The following CYP4B1 variants were observed in gnomAD, a reference collection of about 807,000 sequenced individuals.
The protein encoded by CYP4B1 is cytochrome P450 family 4 subfamily B member 1.
Under a neutral mutation model 54.0 loss-of-function variants are expected in CYP4B1, and 45 were observed. The observed-to-expected ratio is 0.83, with a 90% confidence interval of 0.66 to 1.07. CYP4B1 has a LOEUF of 1.07. Ranked by LOEUF, CYP4B1 falls within the 50% of genes least tolerant of loss-of-function variation. CYP4B1 has a pLI of 0.00. For missense variants in CYP4B1, 656 were observed against 655.4 expected (o/e 1.00, Z -0.01); for synonymous variants, 248 against 247.5 (o/e 1.00, Z -0.02).
At chr1:46,803,545 A>G (rs922375464) in intron 1 of CYP4B1, among the ~76,000 whole-genome samples, 1 of 152,184 alleles carries the variant, frequency 6.6e-6, no homozygotes, top group Admixed American at 6.5e-5. Flanking sequence ...CTGGATTGTA[A>G]ACAGGAGGAA....
At position 46,817,132 on chromosome 1, in the gene CYP4B1, C is replaced by A. The variant is rs750429274; in HGVS notation, c.1158C>A (p.Arg386=). 1.2e-6 allele frequency: 2 copies of A among 1,614,062 alleles called. No individual in the cohort carries two copies. Among genetic ancestry groups the A allele is most frequent in the African/African-American group, 2.7e-5 (2 of 74,912 alleles). ...ACCCACCTGTGCCCCAGGTGTACCG[C>A]CAGCTCAGCAAGCCTGTCACCTTTG... is the stretch of plus-strand genomic sequence containing the variant. ...RLYPPVPQVY[R]QLSKPVTFVD... Residue 386 remains arginine (R), a synonymous_variant, in exon 9 of 12, where the codon CGC becomes CGA. Coordinates refer to ENST00000371923, the MANE Select transcript of CYP4B1 (RefSeq NM_001099772.2).
rs45500401 is a variant in CYP4B1, at chr1:46,812,497, G to C, written c.369G>C (p.Gly123=). The C allele has an allele frequency of 6.2e-7, 1 of 1,612,354 alleles. No individual in the cohort carries two copies. Among genetic ancestry groups the C allele is most frequent in the Non-Finnish European group, 8.5e-7 (1 of 1,179,180 alleles). Residue 123 remains glycine, a splice_region_variant and synonymous_variant, in exon 4 of 12, where the codon GGG becomes GGC. Transcript: ENST00000371923. ...CTCTCTCTCCCATCCCTTCCCCAGGGAGAGGCCTGCTGGTTCTTGAGGGGC... is the reference window on the plus strand; with the variant it reads ...CTCTCTCTCCCATCCCTTCCCCAGGCAGAGGCCTGCTGGTTCTTGAGGGGC... The part of the protein sequence containing the change: ...DVYDFFLQWI[G]RGLLVLEGPK...
chr1:46,812,816 C>T (rs1362743640), intron 4 of CYP4B1, among the ~76,000 whole-genome samples, 193 bp downstream of exon 4: 7 of 152,168 alleles, frequency 4.6e-5, no homozygotes, highest in Admixed American at 2.0e-4. Context: ...GCCACTGAGT[C>T]GGTGCTGAAT....
rs116595602 is a variant in CYP4B1 at position 46,809,455 on chromosome 1, C to T, written c.181-1353C>T. Among the ~76,000 whole-genome samples the T allele has an allele frequency of 4.8e-3, 736 of 152,282 alleles. 6 individuals carry two copies. The highest frequency in any genetic ancestry group is 0.017 in the African/African-American group (688 of 41,550). ...GTGGCAATTGTGAGAGAGAATTTTACGGAGAGAAAAAGCAGGCCCAGCACA... is the reference window on the plus strand; with the variant it reads ...GTGGCAATTGTGAGAGAGAATTTTATGGAGAGAAAAAGCAGGCCCAGCACA... On this transcript the variant is annotated intron_variant, in intron 1 of 11. Transcript: ENST00000371923.
At chr1:46,801,575 T>C (rs1678664465) in intron 1 of CYP4B1, among the ~76,000 whole-genome samples, 1 of 152,076 alleles carries the variant, frequency 6.6e-6, no homozygotes. Context: ...GAGTGACTAC[T>C]TGTGGGAGCT....
rs1679162878 is a variant in CYP4B1, at chr1:46,812,728, G to C, written c.495+105G>C. On this transcript the variant is annotated intron_variant, in intron 4 of 11. Coordinates refer to ENST00000371923, the MANE Select transcript of CYP4B1 (RefSeq NM_001099772.2). The stretch of plus-strand genomic sequence containing the variant: ...AGTAGGTGGTGCTCTGCAGTAAGGA[G>C]AATAGCTGAGCCCCAAGGCCTGTTC... 2.4e-5 allele frequency: 32 copies of C among 1,318,364 alleles called. No individual in the cohort carries two copies. The South Asian group carries it at 4.2e-4, about 18-fold the overall frequency. 81.7% of individuals were successfully genotyped at this position (1,318,364 alleles called of 1,614,324 possible).
intron 9 of CYP4B1, among the ~76,000 whole-genome samples, chr1:46,817,711 G>C (rs1679392139): frequency 6.6e-6 from 1 of 152,186 alleles, no homozygotes; most frequent in African/African-American, 2.4e-5. Context: ...TGATGGATGG[G>C]TTCATTCTCC....
At chr1:46,801,980 T>A (rs1449444064) in intron 1 of CYP4B1, among the ~76,000 whole-genome samples, 1 of 152,196 alleles carries the variant, frequency 6.6e-6, no homozygotes, top group Non-Finnish European at 1.5e-5. Flanking sequence ...TGGTCTCTGA[T>A]TACAGTCTGG....
chr1:46,813,922 T>G lies in CYP4B1; in HGVS notation c.634T>G (p.Tyr212Asp). ...CCCTCTGCTTAGCAGGGACAGCAGCTACTACCTTGCAGTCAGCGATCTCAC... is the reference window on the plus strand; with the variant it reads ...CCCTCTGCTTAGCAGGGACAGCAGCGACTACCTTGCAGTCAGCGATCTCAC... ...TGLGHSRDSS[Y>D]YLAVSDLTLL... The change falls in exon 6 of 12, where the codon TAC becomes GAC. Residue 212 changes from tyrosine (Y) to aspartate (D), a missense_variant. Physicochemically the swap from Tyr to Asp is radical, Grantham distance 160. Coordinates refer to ENST00000371923, the MANE Select transcript of CYP4B1 (RefSeq NM_001099772.2). 6.2e-7 allele frequency: 1 copy of G among 1,614,134 alleles called. No homozygotes were observed. Among genetic ancestry groups the G allele is most frequent in the Non-Finnish European group, 8.5e-7 (1 of 1,179,984 alleles).
At chr1:46,811,063 G>T (rs1367133363) in intron 2 of CYP4B1, 77 bp from the exon 3 acceptor site, 31 of 1,603,922 alleles carry the variant, frequency 1.9e-5, no homozygotes, top group Non-Finnish European at 2.6e-5. Flanking sequence ...GCGGAGCTGA[G>T]GTTCCCACCC....
intron 1 of CYP4B1, among the ~76,000 whole-genome samples, chr1:46,805,104 G>A (rs1235096458): frequency 6.6e-6 from 1 of 152,244 alleles, no homozygotes; most frequent in Non-Finnish European, 1.5e-5. Flanking sequence ...AAGAGTGGAT[G>A]AATCTCTGGG....
At chr1:46,799,340 G>A (rs915215327) in intron 1 of CYP4B1, 79 bp downstream of exon 1, 3 of 1,347,216 alleles carry the variant, frequency 2.2e-6, no homozygotes, top group Admixed American at 4.2e-5. Context: ...TTCCCAGGGG[G>A]CTGTGGAGGG....
chr1:46,811,803 A>G (rs1679111244), intron 3 of CYP4B1, among the ~76,000 whole-genome samples: 3 of 152,182 alleles, frequency 2.0e-5, no homozygotes, highest in Admixed American at 6.5e-5. Context: ...TCTTTTACTC[A>G]TGATCCTATG....
chr1:46,811,385 A>G (rs1284324306), intron 3 of CYP4B1, among the ~76,000 whole-genome samples: 2 of 152,254 alleles, frequency 1.3e-5, no homozygotes, highest in Non-Finnish European at 2.9e-5. Flanking sequence ...CTTCTCTGGC[A>G]GGGCCTGATT....
chr1:46,805,791 T>G (rs1234670444), intron 1 of CYP4B1, among the ~76,000 whole-genome samples: 1 of 152,264 alleles, frequency 6.6e-6, no homozygotes, highest in Non-Finnish European at 1.5e-5. Context: ...GCTCTTTAGC[T>G]TTATTTAAAA....
chr1:46,810,883 G>A lies in CYP4B1; in HGVS notation c.256G>A (p.Gly86Arg), dbSNP rs761368826. The change falls in exon 2 of 12, where the codon GGA becomes AGA. Residue 86 changes from glycine to arginine, a missense_variant. Transcript: ENST00000371923. ...CCCGTATGCCCACCCACTCTGGTTC[G>A]GACAGTTCATTGGCTTCCTGAACAT... ...QFPYAHPLWF[G>R]QFIGFLNIYE... The A allele has an allele frequency of 4.8e-5, 77 of 1,613,992 alleles. No homozygotes were observed. The highest frequency in any genetic ancestry group is 6.1e-5 in the Non-Finnish European group (72 of 1,180,026).
At chr1:46,817,301 C>A in intron 9 of CYP4B1, 120 bp downstream of exon 9, 1 of 1,220,524 alleles carries the variant, frequency 8.2e-7, no homozygotes, top group Non-Finnish European at 1.1e-6. Context: ...GTTCAGAGAG[C>A]CCTGGGTCTA....
At position 46,800,193 on chromosome 1, in the gene CYP4B1, CTT is replaced by C. The variant is rs1476593052; in HGVS notation, c.180+934_180+935del. Among the ~76,000 whole-genome samples the C allele has an allele frequency of 4.2e-3, 183 of 43,158 alleles. 16 individuals are homozygous for C. Among genetic ancestry groups the C allele is most frequent in the Middle Eastern group, 0.026 (2 of 78 alleles). 28.3% of individuals were successfully genotyped at this position (43,158 alleles called of 152,430 possible). A position where few individuals can be genotyped will look rare whatever the true frequency, so the allele number is the denominator to read the frequency against. Reference sequence around the variant, plus strand: ...TTTTCTTCTTTCTTTCTCTTTCTTTCTTTCTCTTTCTTTCTTTCTTTCTCTTT... The same window carrying C: ...TTTTCTTCTTTCTTTCTCTTTCTTTCTCTCTTTCTTTCTTTCTTTCTCTTT... On this transcript the variant is annotated intron_variant, in intron 1 of 11. Transcript: ENST00000371923.
chr1:46,809,133 A>AACAC (rs1553131552), intron 1 of CYP4B1, among the ~76,000 whole-genome samples: 2 of 150,942 alleles, frequency 1.3e-5, no homozygotes, highest in African/African-American at 4.9e-5. Context: ...AAAAACCCAA[A>AACAC]AAACAAACAA....
Sources: allele counts gnomAD v4.1 joint callset (sites outside exome capture counted in the v4.1 genomes callset), GRCh38; gene constraint gnomAD v4.1.1; transcripts MANE v1.5; gene names NCBI Gene and HGNC (gene_info 2026-07-23, HGNC 2026-07-21).